Variants in NLK observed in about 807,000 individuals in gnomAD.
NLK encodes nemo like kinase.
NLK carries 11 observed loss-of-function variants against 59.0 expected under a neutral mutation model. That is an observed-to-expected ratio of 0.19 (90% CI 0.12 to 0.31). The LOEUF is 0.31. Among genes scored for constraint, NLK ranks in the 10% least tolerant of loss-of-function variants. NLK has a pLI of 1.00. For synonymous variants in NLK, 235 were observed against 235.9 expected (o/e 1.00, Z 0.03); for missense variants, 410 against 661.1 (o/e 0.62, Z 4.16).
chr17:28,067,516 A>C (rs1426637929), intron 1 of NLK, among the ~76,000 whole-genome samples: 1 of 151,844 alleles, frequency 6.6e-6, no homozygotes, highest in Non-Finnish European at 1.5e-5. Context: ...GATTAAATAC[A>C]TGGCACAGAG....
chr17:28,192,009 A>T (rs536444364), intron 9 of NLK, 111 bp from the exon 10 acceptor site: 9 of 601,432 alleles, frequency 1.5e-5, no homozygotes, highest in African/African-American at 1.5e-4. Flanking sequence ...TGTTTGATTT[A>T]ACTAAACCAG....
At chr17:28,150,563 T>C (rs1907437030) in intron 3 of NLK, among the ~76,000 whole-genome samples, 1 of 152,226 alleles carries the variant, frequency 6.6e-6, no homozygotes, top group Non-Finnish European at 1.5e-5. Context: ...GCTTGTAATA[T>C]TGTTTTTAAA....
chr17:28,156,749 G>A (rs1479338977), intron 3 of NLK, among the ~76,000 whole-genome samples: 1 of 152,136 alleles, frequency 6.6e-6, no homozygotes, highest in Non-Finnish European at 1.5e-5. Context: ...TTTGGGACAT[G>A]AATAATTCTA....
chr17:28,100,845 T>C (rs942793495), intron 1 of NLK, among the ~76,000 whole-genome samples: 17 of 152,278 alleles, frequency 1.1e-4, no homozygotes, highest in African/African-American at 3.8e-4. Context: ...GTTTTACCTT[T>C]TAAATTTAGT....
chr17:28,078,583 G>A (rs1209218922), intron 1 of NLK, among the ~76,000 whole-genome samples: 1 of 152,044 alleles, frequency 6.6e-6, no homozygotes, highest in African/African-American at 2.4e-5. Flanking sequence ...TGTTCTCATT[G>A]TAGTTAGTCA....
rs192599902 is a variant in NLK, at chr17:28,130,230, G to A, written c.589-2390G>A. On this transcript the variant is annotated intron_variant, in intron 2 of 10. Coordinates refer to ENST00000407008, the MANE Select transcript of NLK (RefSeq NM_016231.5). ...AGAGAATCTCTAGCTATTTAAATGG[G>A]GTGTCAGGCATGAAGTCTGGAGTTT... is the stretch of plus-strand genomic sequence containing the variant. Among the ~76,000 whole-genome samples, 528 of 152,078 alleles carry A rather than the reference G, an allele frequency of 3.5e-3. 3 individuals are homozygous for A. Among genetic ancestry groups the A allele is most frequent in the Admixed American group, 8.4e-3 (128 of 15,272 alleles).
In NLK at chr17:28,069,234, A is replaced by G. The variant is rs180914417; in HGVS notation, c.458+25903A>G. Among the ~76,000 whole-genome samples the G allele has an allele frequency of 7.2e-5, 11 of 152,284 alleles. No individual in the cohort carries two copies. The East Asian group carries it at 9.6e-4, about 13-fold the overall frequency. Reference sequence around the variant, plus strand: ...TACATAATGTTTTTGCAATTCATCTATGTTGCTTGCACATATCAGTGTTTT... The same window carrying G: ...TACATAATGTTTTTGCAATTCATCTGTGTTGCTTGCACATATCAGTGTTTT... On this transcript the variant is annotated intron_variant, in intron 1 of 10. Coordinates refer to ENST00000407008, the MANE Select transcript of NLK (RefSeq NM_016231.5).
intron 3 of NLK, among the ~76,000 whole-genome samples, chr17:28,145,917 G>A (rs916527834): frequency 3.3e-5 from 5 of 152,134 alleles, no homozygotes; most frequent in African/African-American, 1.2e-4. Flanking sequence ...GTGTTGGCCA[G>A]GCTGGTCTTG....
At chr17:28,077,829 A>G (rs1910218536) in intron 1 of NLK, among the ~76,000 whole-genome samples, 1 of 152,200 alleles carries the variant, frequency 6.6e-6, no homozygotes, top group Non-Finnish European at 1.5e-5. Context: ...ATGTTTTTAT[A>G]GTATTAACCT....
chr17:28,200,096 T>C (rs188166135), downstream of NLK, among the ~76,000 whole-genome samples: 362 of 152,368 alleles, frequency 2.4e-3, no homozygotes, highest in African/African-American at 8.2e-3. Context: ...CTATTTTCTT[T>C]CTGTCTGTAG....
chr17:28,196,962 A>G (rs1597732422), downstream of NLK, among the ~76,000 whole-genome samples: 1 of 152,204 alleles, frequency 6.6e-6, no homozygotes, highest in Non-Finnish European at 1.5e-5. Flanking sequence ...AGCAAAATGA[A>G]TGGATTTTTT....
chr17:28,178,467 A>C (rs914205012), intron 7 of NLK, among the ~76,000 whole-genome samples: 1 of 152,336 alleles, frequency 6.6e-6, no homozygotes, highest in Non-Finnish European at 1.5e-5. Context: ...AATGAAGGGA[A>C]GTATAGCTGC....
At chr17:28,043,431 C>CA (rs1344721580) in intron 1 of NLK, 100 bp downstream of exon 1, 2 of 1,088,418 alleles carry the variant, frequency 1.8e-6, no homozygotes, top group Non-Finnish European at 2.6e-6. Flanking sequence ...GACCAAGGTG[C>CA]AGCAAGCTTC....
chr17:28,046,842 G>A (rs1180291639), intron 1 of NLK, among the ~76,000 whole-genome samples: 1 of 152,172 alleles, frequency 6.6e-6, no homozygotes, highest in Non-Finnish European at 1.5e-5. Flanking sequence ...GTGAGTCTGG[G>A]AAAAGACTTT....
intron 1 of NLK, among the ~76,000 whole-genome samples, chr17:28,074,379 G>A (rs1029425902): frequency 6.6e-6 from 1 of 152,086 alleles, no homozygotes; most frequent in Admixed American, 6.6e-5. Flanking sequence ...ACATCAAGGG[G>A]AATTTTTGCC....
At chr17:28,104,907 T>C (rs887374042) in intron 1 of NLK, among the ~76,000 whole-genome samples, 18 of 152,120 alleles carry the variant, frequency 1.2e-4, no homozygotes, top group African/African-American at 4.3e-4. Context: ...GTCCTAGTTC[T>C]AAATCCATTT....
chr17:28,056,569 G>A (rs1268227934), intron 1 of NLK, among the ~76,000 whole-genome samples: 5 of 152,164 alleles, frequency 3.3e-5, no homozygotes, highest in African/African-American at 1.2e-4. Context: ...GGAATATTTA[G>A]ATTAATCTGT....
intron 3 of NLK, among the ~76,000 whole-genome samples, chr17:28,139,632 AT>A (rs1222938672): frequency 3.3e-5 from 5 of 152,286 alleles, no homozygotes; most frequent in African/African-American, 1.2e-4. Context: ...CATTTATTTA[AT>A]TTTTTTAAAA....
At chr17:28,071,543 C>T (rs1910008446) in intron 1 of NLK, among the ~76,000 whole-genome samples, 1 of 151,664 alleles carries the variant, frequency 6.6e-6, no homozygotes, top group Non-Finnish European at 1.5e-5. Context: ...AGAGGCCTTG[C>T]ACATGTTTAG....
Sources: gnomAD v4.1 joint callset for allele counts (sites outside exome capture counted in the v4.1 genomes callset) on GRCh38, gnomAD v4.1.1 for gene constraint, MANE v1.5 for transcripts, NCBI Gene and HGNC (gene_info 2026-07-23, HGNC 2026-07-21) for gene names.